ZNF385D: variants seen among roughly 807,000 people sequenced by gnomAD.
The protein encoded by ZNF385D is zinc finger protein 385D.
Under a neutral mutation model 35.8 loss-of-function variants are expected in ZNF385D, and 15 were observed. That is an observed-to-expected ratio of 0.42 (90% CI 0.28 to 0.64). The LOEUF (loss-of-function observed/expected upper bound fraction) is 0.64. ZNF385D is among the 30% of genes least tolerant of loss of function. ZNF385D has a pLI of 0.23. For missense variants in ZNF385D, 474 were observed against 494.6 expected (o/e 0.96, Z 0.39); for synonymous variants, 212 against 186.8 (o/e 1.13, Z -1.10).
rs142315975 is a variant in ZNF385D at position 22,111,439 on chromosome 3, G to A, written c.325+57378C>T. On this transcript the variant is annotated intron_variant, in intron 3 of 5. Coordinates refer to the ZNF385D transcript ENST00000494108. ...AAGCAGAAAGTGAGCCCTACCACAG[G>A]GATTGGCAAACTACTGGGGTACGCA... is the stretch of plus-strand genomic sequence containing the variant. Among the ~76,000 whole-genome samples, 6 of 152,078 alleles carry A rather than the reference G, an allele frequency of 3.9e-5. No homozygotes were observed. In the East Asian group the frequency reaches 1.2e-3, roughly 29 times the overall value.
intron 3 of ZNF385D, among the ~76,000 whole-genome samples, chr3:22,065,889 T>C (rs932225212): frequency 2.0e-5 from 3 of 151,920 alleles, no homozygotes; most frequent in Non-Finnish European, 4.4e-5. Flanking sequence ...GAGATAAAGA[T>C]AAAGACATCA....
chr3:21,512,254 T>G (rs763552872), intron 3 of ZNF385D, among the ~76,000 whole-genome samples: 1 of 151,964 alleles, frequency 6.6e-6, no homozygotes, highest in Non-Finnish European at 1.5e-5. Flanking sequence ...AGTTGGTGGG[T>G]AGGGTAAGGG....
At position 22,077,383 on chromosome 3, in the gene ZNF385D, C is replaced by T. The variant is rs184855094; in HGVS notation, c.325+91434G>A. On this transcript the variant is annotated intron_variant, in intron 3 of 5. Coordinates refer to the ZNF385D transcript ENST00000494108. ...AATAATTGAAAAATAAGCCTAGACA[C>T]AAAAGAGAAAATGAAATTAAAATTG... Among the ~76,000 whole-genome samples the T allele has an allele frequency of 1.7e-3, 253 of 151,918 alleles. 2 individuals are homozygous for T. The highest frequency in any genetic ancestry group is 5.7e-3 in the African/African-American group (235 of 41,496).
intron 3 of ZNF385D, among the ~76,000 whole-genome samples, chr3:21,947,934 C>T (rs1701875906): frequency 6.6e-6 from 1 of 152,124 alleles, no homozygotes; most frequent in Non-Finnish European, 1.5e-5. Flanking sequence ...GAGCAAGATA[C>T]TGTTTTTAAT....
At chr3:22,186,276 T>C (rs1475364340) in intron 2 of ZNF385D, among the ~76,000 whole-genome samples, 1 of 152,106 alleles carries the variant, frequency 6.6e-6, no homozygotes, top group Admixed American at 6.6e-5. Context: ...GAAAGAATGC[T>C]CCCAGACGAG....
chr3:21,647,264 A>G (rs564432917), intron 2 of ZNF385D, among the ~76,000 whole-genome samples: 1 of 152,288 alleles, frequency 6.6e-6, no homozygotes, highest in East Asian at 1.9e-4. Context: ...ATTATTCCAG[A>G]TCTACATTTC....
chr3:21,542,626 G>A (rs2062212233), intron 3 of ZNF385D, among the ~76,000 whole-genome samples: 1 of 152,030 alleles, frequency 6.6e-6, no homozygotes, highest in South Asian at 2.1e-4. Context: ...GGGATTACAG[G>A]TGTGTGCCAC....
chr3:21,797,506 A>G (rs1039097995), intron 3 of ZNF385D, among the ~76,000 whole-genome samples: 1 of 152,236 alleles, frequency 6.6e-6, no homozygotes, highest in African/African-American at 2.4e-5. Flanking sequence ...AAAGGAGTTG[A>G]AAAGTTATGT....
chr3:21,932,194 A>AAAAAAAAAAAAAT (rs1701047571), intron 3 of ZNF385D, among the ~76,000 whole-genome samples: 3 of 140,808 alleles, frequency 2.1e-5, no homozygotes, highest in Non-Finnish European at 4.6e-5. Context: ...AAAAAAAAAA[A>AAAAAAAAAAAAAT]GTGTGACTTG....
intron 3 of ZNF385D, among the ~76,000 whole-genome samples, chr3:21,512,748 T>C (rs1707304003): frequency 6.6e-6 from 1 of 152,208 alleles, no homozygotes; most frequent in African/African-American, 2.4e-5. Context: ...TGATTCTACA[T>C]GGAGAATGCC....
chr3:22,216,417 A>T (rs866922275), intron 2 of ZNF385D, among the ~76,000 whole-genome samples: 4 of 152,218 alleles, frequency 2.6e-5, no homozygotes, highest in Middle Eastern at 3.4e-3. Context: ...TGTGGAATGT[A>T]CAGGAAACAT....
chr3:22,006,837 A>G (rs903814782), intron 3 of ZNF385D, among the ~76,000 whole-genome samples: 2 of 152,072 alleles, frequency 1.3e-5, no homozygotes, highest in Non-Finnish European at 2.9e-5. Flanking sequence ...AAAAAGAGTG[A>G]TAAGTAGAAA....
chr3:21,948,530 C>T (rs1460668992), intron 3 of ZNF385D, among the ~76,000 whole-genome samples: 1 of 152,032 alleles, frequency 6.6e-6, no homozygotes, highest in African/African-American at 2.4e-5. Context: ...AACTACCCCG[C>T]TTCTCACATC....
At chr3:21,670,394 C>T (rs1468618286) in intron 1 of ZNF385D, among the ~76,000 whole-genome samples, 1 of 151,760 alleles carries the variant, frequency 6.6e-6, no homozygotes, top group African/African-American at 2.4e-5. Flanking sequence ...TCATACAGAG[C>T]ATTTTGTATA....
chr3:21,890,347 G>A (rs1376469371), intron 3 of ZNF385D, among the ~76,000 whole-genome samples: 13 of 152,260 alleles, frequency 8.5e-5, no homozygotes, highest in Admixed American at 1.3e-4. Flanking sequence ...GGCCAGGAGC[G>A]GTGGCTCATG....
chr3:21,429,866 A>C (rs952074928), intron 5 of ZNF385D, among the ~76,000 whole-genome samples: 4 of 152,148 alleles, frequency 2.6e-5, no homozygotes, highest in Non-Finnish European at 5.9e-5. Flanking sequence ...TCAATGATTC[A>C]GCTTATAAAT....
At position 21,711,107 on chromosome 3, in the gene ZNF385D, T is replaced by G. The variant is rs184064589; in HGVS notation, c.22+39788A>C. Among the ~76,000 whole-genome samples the G allele has an allele frequency of 2.5e-3, 337 of 137,460 alleles. 3 individuals carry two copies. Among genetic ancestry groups the G allele is most frequent in the African/African-American group, 8.5e-3 (314 of 36,822 alleles). The allele number at this position is 137,460 out of a possible 152,430, so 90.2% of individuals were successfully genotyped here. A position where few individuals can be genotyped will look rare whatever the true frequency, so the allele number is the denominator to read the frequency against. ...CCTAGGATGGAGTGCAGTGGCGTGA[T>G]CTCGGCTCACTGCAACTTCCGCCTC... On this transcript the variant is annotated intron_variant, in intron 1 of 7. Transcript: ENST00000281523.
chr3:21,979,515 T>A (rs1204522191), intron 3 of ZNF385D: 2 of 152,164 alleles, frequency 1.3e-5, no homozygotes, highest in Non-Finnish European at 2.9e-5. Flanking sequence ...GTGGGGCTAG[T>A]TTTTTACAAA....
intron 3 of ZNF385D, among the ~76,000 whole-genome samples, chr3:21,928,505 C>A (rs1224418175): frequency 1.3e-5 from 2 of 152,102 alleles, no homozygotes; most frequent in Non-Finnish European, 2.9e-5. Context: ...GAACTCTCCA[C>A]TGAGCAACCG....
Sources: gnomAD v4.1 joint callset for allele counts (sites outside exome capture counted in the v4.1 genomes callset) on GRCh38, gnomAD v4.1.1 for gene constraint, MANE v1.5 for transcripts, NCBI Gene and HGNC (gene_info 2026-07-23, HGNC 2026-07-21) for gene names.